ZSCAN5A: variants seen among roughly 807,000 people sequenced by gnomAD.
ZSCAN5A encodes zinc finger and SCAN domain-containing protein 5A.
In ZSCAN5A, 12 loss-of-function variants were observed where a neutral mutation model predicts 23.7. That is an observed-to-expected ratio of 0.51 (90% CI 0.32 to 0.82). The LOEUF (loss-of-function observed/expected upper bound fraction) is 0.82, where lower values mean the gene tolerates loss of function less well. ZSCAN5A is among the 40% of genes least tolerant of loss of function. The pLI, the probability that ZSCAN5A is intolerant of heterozygous loss-of-function variation, is 0.03. For synonymous variants in ZSCAN5A, 257 were observed against 239.9 expected, an observed-to-expected ratio of 1.07 and a Z score of -0.66; for missense variants, 597 against 617.9, an observed-to-expected ratio of 0.97 and a Z score of 0.36.
intron 2 of ZSCAN5A, chr19:56,247,024 C>T: frequency 1.0e-6 from 1 of 987,116 alleles, no homozygotes; most frequent in East Asian, 2.4e-5. Flanking sequence ...AGTCAGTCAC[C>T]CCAATGGCCA....
chr19:56,341,988 T>G (rs10432272), intron 2 of ZSCAN5A, among the ~76,000 whole-genome samples: 1 of 152,296 alleles, frequency 6.6e-6, no homozygotes, highest in East Asian at 1.9e-4. Context: ...TTATAATTTA[T>G]TGAGTAAATC....
At position 56,247,011 on chromosome 19, in the gene ZSCAN5A, T is replaced by C. The variant is rs755371848; in HGVS notation, c.-127-21838A>G. 5.4e-6 allele frequency: 6 copies of C among 1,119,714 alleles called. 1 individual carries two copies. Among genetic ancestry groups the C allele is most frequent in the Admixed American group, 5.2e-5 (3 of 57,162 alleles). 69.4% of individuals were successfully genotyped at this position (1,119,714 alleles called of 1,614,324 possible). A position where few individuals can be genotyped will look rare whatever the true frequency, so the allele number is the denominator to read the frequency against. On this transcript the variant is annotated intron_variant, in intron 2 of 5. Transcript: ENST00000683990. Reference sequence around the variant, plus strand: ...CAGTTTATTCCCCAGGCCCTGCAGGTGCAGTCAGTCACCCCAATGGCCAAG... The same window carrying C: ...CAGTTTATTCCCCAGGCCCTGCAGGCGCAGTCAGTCACCCCAATGGCCAAG...
rs1282847429 is a variant in ZSCAN5A, at chr19:56,333,806, C to A, written c.-357-17538G>T. Among the ~76,000 whole-genome samples, 5 of 151,844 alleles carry A rather than the reference C, an allele frequency of 3.3e-5. No homozygotes were observed. In the East Asian group the frequency reaches 9.6e-4, roughly 29 times the overall value. On this transcript the variant is annotated intron_variant, in intron 2 of 6. Coordinates refer to the ZSCAN5A transcript ENST00000587340. ...AGCAAAGCCAAAAGATGGTAGCAAA[C>A]ATACTGTATGCTCACACCTTCTAGG...
chr19:56,343,053 C>T, intron 2 of ZSCAN5A: 1 of 813,040 alleles, frequency 1.2e-6, no homozygotes, highest in Non-Finnish European at 2.2e-6. Flanking sequence ...TGTCAGACAA[C>T]CTTGGCTTGT....
At chr19:56,270,385 A>G (rs2037764699) in intron 2 of ZSCAN5A, among the ~76,000 whole-genome samples, 1 of 152,098 alleles carries the variant, frequency 6.6e-6, no homozygotes. Context: ...TGCCATTGCA[A>G]TCCAGCCTGG....
chr19:56,258,313 T>C (rs369047522), intron 2 of ZSCAN5A, among the ~76,000 whole-genome samples: 2 of 152,262 alleles, frequency 1.3e-5, no homozygotes, highest in South Asian at 4.1e-4. Context: ...ACGTATCAGG[T>C]CTCGTGTGGG....
intron 2 of ZSCAN5A, chr19:56,297,408 T>G (rs968060344): frequency 3.9e-6 from 1 of 255,814 alleles, no homozygotes. Context: ...CTTCCTTTCC[T>G]CTTCCTCTTC....
intron 2 of ZSCAN5A, among the ~76,000 whole-genome samples, chr19:56,350,691 G>A (rs918291963): frequency 6.6e-6 from 1 of 152,082 alleles, no homozygotes; most frequent in Non-Finnish European, 1.5e-5. Context: ...GTAACTAAAA[G>A]GTGTCAAACT....
At chr19:56,264,604 A>G (rs2037340906) in intron 2 of ZSCAN5A, among the ~76,000 whole-genome samples, 1 of 152,194 alleles carries the variant, frequency 6.6e-6, no homozygotes, top group East Asian at 1.9e-4. Flanking sequence ...AGGCTGGCAA[A>G]CTATAGTTGA....
chr19:56,271,482 T>G (rs2037844346), intron 2 of ZSCAN5A, among the ~76,000 whole-genome samples: 1 of 152,254 alleles, frequency 6.6e-6, no homozygotes, highest in African/African-American at 2.4e-5. Context: ...AATCCTGTAG[T>G]ATCACGTTTT....
intron 2 of ZSCAN5A, among the ~76,000 whole-genome samples, chr19:56,288,832 C>T (rs960037351): frequency 6.6e-6 from 1 of 152,180 alleles, no homozygotes; most frequent in African/African-American, 2.4e-5. Context: ...CTCTACTCTG[C>T]CCCTCCGTTG....
chr19:56,224,340 G>A, intron 3 of ZSCAN5A: 1 of 384,022 alleles, frequency 2.6e-6, no homozygotes, highest in Non-Finnish European at 4.7e-6. Context: ...GCCTCACACA[G>A]TGTGTGGGTC....
chr19:56,311,077 A>T (rs1221306849), intron 2 of ZSCAN5A, among the ~76,000 whole-genome samples: 1 of 152,136 alleles, frequency 6.6e-6, no homozygotes, highest in Non-Finnish European at 1.5e-5. Flanking sequence ...TAATCTTTTG[A>T]TATAAGACCA....
At chr19:56,335,935 A>G (rs1053546650) in intron 2 of ZSCAN5A, among the ~76,000 whole-genome samples, 65 of 152,242 alleles carry the variant, frequency 4.3e-4, no homozygotes, top group African/African-American at 1.5e-3. Flanking sequence ...TGGCTTGTAG[A>G]GTTTCTGCCG....
intron 2 of ZSCAN5A, among the ~76,000 whole-genome samples, chr19:56,291,754 C>T (rs996273934): frequency 1.3e-5 from 2 of 151,756 alleles, no homozygotes; most frequent in Non-Finnish European, 2.9e-5. Flanking sequence ...TTTTTTTAAA[C>T]TCAAGAACTG....
At chr19:56,319,679 C>G, upstream of ZSCAN5A, 1 of 578,982 alleles carries the variant, frequency 1.7e-6, no homozygotes, top group Non-Finnish European at 3.1e-6. Context: ...GTGTGCTTTT[C>G]TTTGTCCTTA....
At chr19:56,344,926 A>G (rs1328528152) in intron 2 of ZSCAN5A, among the ~76,000 whole-genome samples, 3 of 148,466 alleles carry the variant, frequency 2.0e-5, no homozygotes, top group Non-Finnish European at 3.0e-5. Flanking sequence ...AAAAAAAAAA[A>G]AAAAAAAAAG....
Position 56,349,495 on chromosome 19 carries a change from G to A in ZSCAN5A, c.-358+13740C>T, listed in dbSNP as rs138915592. ...GCGGATTACGAGGTCAGGAGATCGA[G>A]ACCAGCGTGGCTAACATGGTGAAAC... is the stretch of plus-strand genomic sequence containing the variant. On this transcript the variant is annotated intron_variant, in intron 2 of 6. Transcript: ENST00000587340. 2.4e-3 allele frequency among the ~76,000 whole-genome samples: 368 copies of A among 152,190 alleles called. 1 individual carries two copies. Among genetic ancestry groups the A allele is most frequent in the South Asian group, 3.9e-3 (19 of 4,828 alleles).
At position 56,222,180 on chromosome 19, in the gene ZSCAN5A, T is replaced by C. The variant is rs369166936; in HGVS notation, c.886A>G (p.Ser296Gly). ...GNRGDALNLS[S>G]PKRSKPDASS... ...GCATCTGGTTTGCTTCTTTTGGGACTGCTCAGATTCAGAGCGTCTCCTCTG... is the reference window on the plus strand; with the variant it reads ...GCATCTGGTTTGCTTCTTTTGGGACCGCTCAGATTCAGAGCGTCTCCTCTG... The change falls in exon 6 of 6, where the codon AGT (serine) becomes GGT (glycine). Residue 296 changes from serine to glycine, a missense_variant. Around this residue, in one of 5 missense-constraint regions of ZSCAN5A, gnomAD observed 406 missense variants for 353.2 expected, o/e 1.15. Transcript: ENST00000683990. 53 of 1,613,932 alleles carry C rather than the reference T, an allele frequency of 3.3e-5. No individual in the cohort carries two copies. Among genetic ancestry groups the C allele is most frequent in the Middle Eastern group, 1.6e-4 (1 of 6,080 alleles).
Sources: allele counts gnomAD v4.1 joint callset (sites outside exome capture counted in the v4.1 genomes callset), GRCh38; gene constraint gnomAD v4.1.1; regional missense constraint gnomAD v4.1.1; transcripts MANE v1.5; gene names NCBI Gene and HGNC (gene_info 2026-07-23, HGNC 2026-07-21).